The following MSH6 variants were observed in gnomAD, a reference collection of about 807,000 sequenced individuals.
The protein encoded by MSH6 is mutS homolog 6, also known as DNA mismatch repair protein Msh6.
Under a neutral mutation model 119.1 loss-of-function variants are expected in MSH6, and 85 were observed. The ratio of observed to expected loss-of-function variants is 0.71; its 90% confidence interval spans 0.60 to 0.85. The LOEUF is 0.85. Among genes scored for constraint, MSH6 ranks in the 40% least tolerant of loss-of-function variants. The pLI, the probability that MSH6 is intolerant of heterozygous loss-of-function variation, is 0.00. For synonymous variants in MSH6, 830 were observed against 586.9 expected (o/e 1.41, Z -5.99); for missense variants, 2,163 against 1,655.3 (o/e 1.31, Z -5.32).
chr2:47,806,660 C>CT lies in MSH6; in HGVS notation c.4001+10dup, dbSNP rs730882138. 53 of 1,603,570 alleles carry CT rather than the reference C, an allele frequency of 3.3e-5. No individual in the cohort carries two copies. Among genetic ancestry groups the CT allele is most frequent in the Non-Finnish European group, 4.4e-5 (52 of 1,175,706 alleles). On this transcript the variant is annotated intron_variant, in intron 9 of 9. Coordinates refer to ENST00000234420, the MANE Select transcript of MSH6 (RefSeq NM_000179.3). ...TCACTACGATTATTTCGGTAACTAA[C>CT]TAACTATAATGGAATTATAACTAAC...
In MSH6 at chr2:47,799,723, G is replaced by T. The variant is rs762089407; in HGVS notation, c.1740G>T (p.Ser580=). The stretch of plus-strand genomic sequence containing the variant: ...AGTTTTCAGATGATCGCCATTGTTC[G>T]AGATTTAGGACTCTAGTGGCACACT... The part of the protein sequence containing the change: ...IGQFSDDRHC[S]RFRTLVAHYP... The change falls in exon 4 of 10, where the codon TCG becomes TCT. Residue 580 remains serine, a synonymous_variant. Coordinates refer to ENST00000234420, the MANE Select transcript of MSH6 (RefSeq NM_000179.3). 6 of 1,614,142 alleles carry T rather than the reference G, an allele frequency of 3.7e-6. No homozygotes were observed. Among genetic ancestry groups the T allele is most frequent in the Non-Finnish European group, 5.1e-6 (6 of 1,180,028 alleles).
chr2:47,788,922 G>GTTTTT lies in MSH6; in HGVS notation c.261-1984_261-1980dup, dbSNP rs1558650240. On this transcript the variant is annotated intron_variant, in intron 1 of 9. Transcript: ENST00000234420. ...TTTCTTCTTCCTTTTTTTTTTTTTT[G>GTTTTT]TTTTTTTTTTTTTTTTTTTTTTTTT... Among the ~76,000 whole-genome samples, 281 of 40,904 alleles carry GTTTTT rather than the reference G, an allele frequency of 6.9e-3. 17 individuals are homozygous for GTTTTT. Among genetic ancestry groups the GTTTTT allele is most frequent in the Non-Finnish European group, 9.3e-3 (220 of 23,582 alleles). 26.8% of individuals were successfully genotyped at this position (40,904 alleles called of 152,430 possible).
intron 6 of MSH6, among the ~76,000 whole-genome samples, 156 bp downstream of exon 6, chr2:47,805,183 C>CTTTTTTTT (rs35781475): frequency 7.1e-6 from 1 of 141,138 alleles, no homozygotes; most frequent in African/African-American, 2.6e-5. Flanking sequence ...GTCTCTCTCT[C>CTTTTTTTT]TTTTTTTTTT....
At chr2:47,784,393 A>C in intron 1 of MSH6, 1 of 320,844 alleles carries the variant, frequency 3.1e-6, no homozygotes, top group South Asian at 1.2e-4. Context: ...CTGGACAAAG[A>C]TGTGTGGACG....
Position 47,791,142 on chromosome 2 carries a change from ATGTGTGTGTGTT to A in MSH6, c.457+31_457+42del, listed in dbSNP as rs756089825. On this transcript the variant is annotated intron_variant, in intron 2 of 9. Coordinates refer to ENST00000234420, the MANE Select transcript of MSH6 (RefSeq NM_000179.3). ...TATACAGGTAAGAGTCACTACTGCCATGTGTGTGTGTTTGTGTGTGTGTGTGTGTGTGTGAGA... is the reference window on the plus strand; with the variant it reads ...TATACAGGTAAGAGTCACTACTGCCATGTGTGTGTGTGTGTGTGTGTGAGA... The A allele has an allele frequency of 3.1e-6, 5 of 1,602,420 alleles. No homozygotes were observed. The highest frequency in any genetic ancestry group is 3.4e-6 in the Non-Finnish European group (4 of 1,170,572).
chr2:47,786,421 GC>G (rs1668350684), intron 1 of MSH6, among the ~76,000 whole-genome samples: 1 of 151,178 alleles, frequency 6.6e-6, no homozygotes, highest in South Asian at 2.1e-4. Context: ...TGCAACCTCC[GC>G]CTCCTGGGTT....
chr2:47,792,962 G>T (rs1358954769), intron 2 of MSH6, among the ~76,000 whole-genome samples: 2 of 151,246 alleles, frequency 1.3e-5, no homozygotes, highest in Admixed American at 6.6e-5. Flanking sequence ...CAAGTAGTTG[G>T]GTGATCTGGC....
chr2:47,798,511 G>A (rs1406301755), intron 3 of MSH6, 100 bp from the exon 4 acceptor site: 17 of 1,230,348 alleles, frequency 1.4e-5, no homozygotes, highest in African/African-American at 9.0e-5. Context: ...GTGGCTGCAC[G>A]GGTACCATTA....
intron 4 of MSH6, among the ~76,000 whole-genome samples, chr2:47,802,717 C>T (rs904604141): frequency 2.7e-4 from 40 of 148,904 alleles, no homozygotes; most frequent in Admixed American, 2.3e-3. Flanking sequence ...TTGATCTGAA[C>T]GCAAGTATCT....
At chr2:47,795,617 C>T (rs1335795506) in intron 2 of MSH6, among the ~76,000 whole-genome samples, 1 of 151,908 alleles carries the variant, frequency 6.6e-6, no homozygotes, top group Non-Finnish European at 1.5e-5. Context: ...AGGCGCACAC[C>T]ACCACCCTTG....
chr2:47,790,304 G>T, intron 1 of MSH6, among the ~76,000 whole-genome samples: 1 of 152,160 alleles, frequency 6.6e-6, no homozygotes, highest in Non-Finnish European at 1.5e-5. Flanking sequence ...TGTGCCTGTA[G>T]TCTTGGCTAT....
chr2:47,802,113 G>C (rs974922749), intron 4 of MSH6, among the ~76,000 whole-genome samples: 2 of 152,060 alleles, frequency 1.3e-5, no homozygotes, highest in South Asian at 2.1e-4. Context: ...TACAACCTTT[G>C]CATTTCAGTG....
chr2:47,808,104 T>C, downstream of MSH6: 1 of 1,594,420 alleles, frequency 6.3e-7, no homozygotes, highest in Non-Finnish European at 8.5e-7. Context: ...GGACTTTTTC[T>C]TTAGGGAAGG....
Position 47,803,402 on chromosome 2 carries a change from T to C in MSH6, c.3173-18T>C, listed in dbSNP as rs189672273. ...CCCCCAAACGATGAAGCCTCACTTT[T>C]ACCCTCTCTTTTAACAGATGTTTTA... On this transcript the variant is annotated intron_variant, in intron 4 of 9. Transcript: ENST00000234420. The C allele has an allele frequency of 7.7e-5, 124 of 1,614,070 alleles. No individual in the cohort carries two copies. The highest frequency in any genetic ancestry group is 9.7e-5 in the Non-Finnish European group (114 of 1,180,040).
At position 47,799,463 on chromosome 2, in the gene MSH6, G is replaced by A. The variant is rs758699749; in HGVS notation, c.1480G>A (p.Ala494Thr). ...EQTETPEMME[A>T]RCRKMAHISK... ...GACTGAGACTCCAGAAATGATGGAGGCACGATGTAGAAAGATGGCACATAT... is the reference window on the plus strand; with the variant it reads ...GACTGAGACTCCAGAAATGATGGAGACACGATGTAGAAAGATGGCACATAT... Residue 494 changes from alanine (A) to threonine (T), a missense_variant, in exon 4 of 10, where the codon GCA (alanine) becomes ACA (threonine). Ala to Thr is a moderately conservative substitution (Grantham distance 58, BLOSUM62 0). Coordinates refer to ENST00000234420, the MANE Select transcript of MSH6 (RefSeq NM_000179.3). 1.2e-6 allele frequency: 2 copies of A among 1,614,138 alleles called. No individual in the cohort carries two copies. Among genetic ancestry groups the A allele is most frequent in the Non-Finnish European group, 1.7e-6 (2 of 1,180,020 alleles).
rs1396658541 is a variant in MSH6 at position 47,799,181 on chromosome 2, G to T, written c.1198G>T (p.Glu400Ter). The T allele has an allele frequency of 6.2e-7, 1 of 1,614,066 alleles. No individual in the cohort carries two copies. ...DFDASTLYVPEDFLNSCTPGM... is the reference protein window; with the variant it reads ...DFDASTLYVP Reference sequence around the variant, plus strand: ...TGATGCATCTACACTCTATGTGCCTGAGGATTTCCTCAATTCTTGTACTCC... The same window carrying T: ...TGATGCATCTACACTCTATGTGCCTTAGGATTTCCTCAATTCTTGTACTCC... Residue 400 changes from glutamate (E) to a stop codon, truncating the protein, a stop_gained, in exon 4 of 10, where the codon GAG (glutamate) becomes TAG (stop). Transcript: ENST00000234420. LOFTEE classifies it high-confidence loss of function.
chr2:47,795,312 C>A (rs929933508), intron 2 of MSH6, among the ~76,000 whole-genome samples: 3 of 151,918 alleles, frequency 2.0e-5, no homozygotes, highest in Non-Finnish European at 2.9e-5. Context: ...CTTTATTGAT[C>A]TATCTATATC....
chr2:47,809,455 G>C (rs960363636), downstream of MSH6: 7 of 708,962 alleles, frequency 9.9e-6, no homozygotes, highest in South Asian at 9.9e-5. Flanking sequence ...CAACCATTTA[G>C]AACCAAAGCT....
rs1668695449 is a variant in MSH6, at chr2:47,791,041, A to G, written c.375A>G (p.Lys125=). The part of the protein sequence containing the change: ...FDGTFIREKG[K]SVRVHVQFFD... ...GAACATTCATCCGCGAGAAAGGGAA[A>G]TCAGTCCGTGTTCATGTACAGTTTT... Residue 125 remains lysine, a synonymous_variant, in exon 2 of 10, where the codon AAA becomes AAG. Coordinates refer to ENST00000234420, the MANE Select transcript of MSH6 (RefSeq NM_000179.3). The G allele has an allele frequency of 6.2e-7, 1 of 1,614,234 alleles. No individual in the cohort carries two copies. The highest frequency in any genetic ancestry group is 8.5e-7 in the Non-Finnish European group (1 of 1,180,038).
Sources: gnomAD v4.1 joint callset for allele counts (sites outside exome capture counted in the v4.1 genomes callset) on GRCh38, gnomAD v4.1.1 for gene constraint, MANE v1.5 for transcripts, NCBI Gene and HGNC (gene_info 2026-07-23, HGNC 2026-07-21) for gene names.